HTRA3: variants seen among roughly 807,000 people sequenced by gnomAD.
HTRA3 encodes the protein serine protease HTRA3.
A neutral mutation model predicts 43.2 loss-of-function variants in HTRA3; 41 were observed. The observed-to-expected ratio is 0.95, with a 90% CI of 0.74 to 1.23. The LOEUF is 1.23. Among genes scored for constraint, HTRA3 ranks in the 50% most tolerant of loss-of-function variants. The pLI is 0.00. For synonymous variants in HTRA3, 295 were observed against 287.9 expected (o/e 1.02, Z -0.25); for missense variants, 628 against 647.1 (o/e 0.97, Z 0.32).
chr4:8,286,522 C>T lies in HTRA3; in HGVS notation c.486-39C>T, dbSNP rs1412062070. 2 of 1,581,358 alleles carry T rather than the reference C, an allele frequency of 1.3e-6. No individual in the cohort carries two copies. Among genetic ancestry groups the T allele is most frequent in the East Asian group, 2.2e-5 (1 of 44,694 alleles). ...TGCGCCTGACTCCCCCGCGTCCTAGCCCCACCCTAAATGCCCGCCTGTGTC... is the reference window on the plus strand; with the variant it reads ...TGCGCCTGACTCCCCCGCGTCCTAGTCCCACCCTAAATGCCCGCCTGTGTC... On this transcript the variant is annotated intron_variant, in intron 2 of 8. Coordinates refer to ENST00000307358, the MANE Select transcript of HTRA3 (RefSeq NM_053044.5). This position sits in a 1 kb window ranked among gnomAD's most constrained non-coding sequence, Gnocchi z 4.9.
In HTRA3 at chr4:8,279,688, A is replaced by T. The variant is rs1388427509; in HGVS notation, c.386-2749A>T. 6.6e-6 allele frequency among the ~76,000 whole-genome samples: 1 copy of T among 152,088 alleles called. No individual in the cohort carries two copies. The highest frequency in any genetic ancestry group is 1.5e-5 in the Non-Finnish European group (1 of 67,994). ...TGCCATTCCTCCTTCTGCTGTGTTC[A>T]CACTGGGCCCAGGTCCCTGTGTGCC... On this transcript the variant is annotated intron_variant, in intron 1 of 8. Transcript: ENST00000307358. This position sits in a 1 kb window ranked among gnomAD's most constrained non-coding sequence, Gnocchi z 7.4.
Position 8,306,180 on chromosome 4 carries a change from C to T in HTRA3, c.*44C>T, listed in dbSNP as rs775414820. ...GCCAAGCGTCAGAGCCTGCAGACAA[C>T]GGAGGGCAGCGCCCCCCCGAGATCA... On this transcript the variant is annotated 3_prime_UTR_variant, in exon 9 of 9. Transcript: ENST00000307358. This position sits in a 1 kb window ranked among gnomAD's most constrained non-coding sequence, Gnocchi z 8.9. The T allele has an allele frequency of 5.0e-5, 76 of 1,518,196 alleles. No individual in the cohort carries two copies. Among genetic ancestry groups the T allele is most frequent in the Middle Eastern group, 2.2e-4 (1 of 4,514 alleles). The allele number at this position is 1,518,196 out of a possible 1,614,324, so 94.0% of individuals were successfully genotyped here. A position where few individuals can be genotyped will look rare whatever the true frequency, so the allele number is the denominator to read the frequency against.
intron 3 of HTRA3, among the ~76,000 whole-genome samples, chr4:8,288,574 CTT>C (rs35966094): frequency 0.57 from 75,317 of 132,174 alleles, 20,839 homozygotes; most frequent in East Asian, 0.81. Context: ...CGTGCCTAGC[CTT>C]TTTTTTTTTT....
chr4:8,280,031 G>C (rs898244260), intron 1 of HTRA3, among the ~76,000 whole-genome samples: 4 of 152,228 alleles, frequency 2.6e-5, no homozygotes, highest in African/African-American at 9.6e-5. Flanking sequence ...GGGCTGCCTG[G>C]AGGAGGCAGG....
In HTRA3 at chr4:8,286,879, T is replaced by G. The variant is rs754910116; in HGVS notation, c.708+96T>G. On this transcript the variant is annotated intron_variant, in intron 3 of 8. Transcript: ENST00000307358. This position sits in a 1 kb window ranked among gnomAD's most constrained non-coding sequence, Gnocchi z 4.9. The stretch of plus-strand genomic sequence containing the variant: ...ACCCAGAGGCAAGCTAGCCCCACCT[T>G]CCATCAGCCAGGGGGAGGAAACTGG... 41 of 937,626 alleles carry G rather than the reference T, an allele frequency of 4.4e-5. No homozygotes were observed. Among genetic ancestry groups the G allele is most frequent in the Middle Eastern group, 5.5e-4 (2 of 3,608 alleles). The allele number at this position is 937,626 out of a possible 1,614,324, so 58.1% of individuals were successfully genotyped here. A position where few individuals can be genotyped will look rare whatever the true frequency, so the allele number is the denominator to read the frequency against.
At chr4:8,294,304 G>A in intron 6 of HTRA3, 103 bp downstream of exon 6, 1 of 812,380 alleles carries the variant, frequency 1.2e-6, no homozygotes, top group Non-Finnish European at 2.0e-6. Context: ...GGAGGTGCTG[G>A]GTGAACTTTG....
rs1435916240 is a variant in HTRA3 at position 8,304,651 on chromosome 4, T to TGTG, written c.1196+372_1196+373insGTG. ...AGATAATTCAGCCTATTGTTTTTTT[T>TGTG]TTTTTTTTTTTTTTTTTTTTTTTGA... is the stretch of plus-strand genomic sequence containing the variant. On this transcript the variant is annotated intron_variant, in intron 8 of 8. Coordinates refer to ENST00000307358, the MANE Select transcript of HTRA3 (RefSeq NM_053044.5). Among the ~76,000 whole-genome samples the TGTG allele has an allele frequency of 8.7e-5, 10 of 115,408 alleles. 2 individuals carry two copies. The highest frequency in any genetic ancestry group is 5.4e-4 in the East Asian group (2 of 3,698). 75.7% of individuals were successfully genotyped at this position (115,408 alleles called of 152,430 possible). A position where few individuals can be genotyped will look rare whatever the true frequency, so the allele number is the denominator to read the frequency against.
chr4:8,306,285 G>T lies in HTRA3; in HGVS notation c.*149G>T. The T allele has an allele frequency of 1.2e-6, 1 of 839,674 alleles. No homozygotes were observed. The highest frequency in any genetic ancestry group is 2.0e-5 in the South Asian group (1 of 49,596). 52.0% of individuals were successfully genotyped at this position (839,674 alleles called of 1,614,324 possible). ...CGGGGCAGAGCGGAGGCTGGGCTTG[G>T]CCAGGGGCCCGAATTTCCGCCTGGG... On this transcript the variant is annotated 3_prime_UTR_variant, in exon 9 of 9. Transcript: ENST00000307358. This position sits in a 1 kb window ranked among gnomAD's most constrained non-coding sequence, Gnocchi z 8.9.
At position 8,306,432 on chromosome 4, in the gene HTRA3, C is replaced by T; in HGVS notation, c.*296C>T. ...CAAAACTGCCTTCCATGGAGGTCCC[C>T]TCCTCTCCTAGCTTCCCGCCTCTGC... On this transcript the variant is annotated 3_prime_UTR_variant, in exon 9 of 9. Coordinates refer to ENST00000307358, the MANE Select transcript of HTRA3 (RefSeq NM_053044.5). The surrounding 1 kb of genome is among the most constrained non-coding windows in gnomAD (Gnocchi z 8.9). 1 of 311,626 alleles carries T rather than the reference C, an allele frequency of 3.2e-6. No individual in the cohort carries two copies. Among genetic ancestry groups the T allele is most frequent in the Non-Finnish European group, 6.0e-6 (1 of 167,380 alleles). The allele number at this position is 311,626 out of a possible 1,614,324, so 19.3% of individuals were successfully genotyped here. A position where few individuals can be genotyped will look rare whatever the true frequency, so the allele number is the denominator to read the frequency against.
Position 8,304,194 on chromosome 4 carries a change from G to C in HTRA3, c.1111G>C (p.Glu371Gln). Residue 371 changes from glutamate (E) to glutamine (Q), a missense_variant, in exon 8 of 9, where the codon GAG (glutamate) becomes CAG (glutamine). Coordinates refer to ENST00000307358, the MANE Select transcript of HTRA3 (RefSeq NM_053044.5). ...GCAGACTCTTTCCAGCCTGGTGGAT[G>C]AGCTGAAGGCCAGCAACCCGGACTT... Reference protein sequence around the residue: ...MRTITPSLVDELKASNPDFPE... With the variant: ...MRTITPSLVDQLKASNPDFPE... 6.2e-7 allele frequency: 1 copy of C among 1,614,106 alleles called. No homozygotes were observed. Among genetic ancestry groups the C allele is most frequent in the Non-Finnish European group, 8.5e-7 (1 of 1,179,962 alleles).
intron 3 of HTRA3, among the ~76,000 whole-genome samples, chr4:8,288,189 C>T (rs140368280): frequency 0.019 from 2,819 of 152,276 alleles, 40 homozygotes; most frequent in Middle Eastern, 0.061. Context: ...TTTTCACGGT[C>T]GCGATTGAGT....
At chr4:8,271,060 C>T (rs565661678) in intron 1 of HTRA3, among the ~76,000 whole-genome samples, 95 of 152,240 alleles carry the variant, frequency 6.2e-4, no homozygotes, top group South Asian at 3.5e-3. Context: ...TGAAGACAGG[C>T]GACGGGCCCC....
rs1397504893 is a variant in HTRA3 at position 8,306,089 on chromosome 4, G to C, written c.1315G>C (p.Gly439Arg). 1 of 1,608,462 alleles carries C rather than the reference G, an allele frequency of 6.2e-7. No homozygotes were observed. The highest frequency in any genetic ancestry group is 1.3e-5 in the African/African-American group (1 of 74,742). ...TCCTCTCCTACTGGAGGTGCGGCGG[G>C]GGAACGACGACCTCCTCTTCAGCAT... is the stretch of plus-strand genomic sequence containing the variant. Reference protein sequence around the residue: ...ESPLLLEVRRGNDDLLFSIAP... With the variant: ...ESPLLLEVRRRNDDLLFSIAP... The change falls in exon 9 of 9, where the codon GGG becomes CGG. Residue 439 changes from glycine (G) to arginine (R), a missense_variant. Gly to Arg is a moderately radical substitution (Grantham distance 125, BLOSUM62 -2). Coordinates refer to ENST00000307358, the MANE Select transcript of HTRA3 (RefSeq NM_053044.5). This position sits in a 1 kb window ranked among gnomAD's most constrained non-coding sequence, Gnocchi z 8.9.
intron 6 of HTRA3, 38 bp downstream of exon 6, chr4:8,294,239 C>T (rs369962737): frequency 4.1e-6 from 6 of 1,456,896 alleles, no homozygotes; most frequent in Non-Finnish European, 4.8e-6. Context: ...AGGCAGGGGG[C>T]ACTCTCCCAG....
chr4:8,294,257 G>A (rs1401115791), intron 6 of HTRA3, 56 bp downstream of exon 6: 1 of 1,295,514 alleles, frequency 7.7e-7, no homozygotes, highest in East Asian at 2.5e-5. Flanking sequence ...CAGGGCTACA[G>A]CCCCTTAACA....
chr4:8,289,785 C>T (rs1287055728), intron 3 of HTRA3, among the ~76,000 whole-genome samples: 1 of 151,462 alleles, frequency 6.6e-6, no homozygotes, highest in Non-Finnish European at 1.5e-5. Context: ...CTCACGGCCT[C>T]ACCTGTGCAC....
chr4:8,298,466 T>G (rs75708735), intron 6 of HTRA3, among the ~76,000 whole-genome samples: 346 of 152,306 alleles, frequency 2.3e-3, no homozygotes, highest in African/African-American at 7.8e-3. Flanking sequence ...TCTTTTTCAT[T>G]CTCTGAATAG....
intron 1 of HTRA3, among the ~76,000 whole-genome samples, chr4:8,270,986 C>T (rs1712248165): frequency 6.6e-6 from 1 of 152,208 alleles, no homozygotes; most frequent in South Asian, 2.1e-4. Flanking sequence ...CCTGCTGTAC[C>T]TTTTTCCCTG....
intron 3 of HTRA3, among the ~76,000 whole-genome samples, chr4:8,290,223 C>A (rs1713179611): frequency 6.6e-6 from 1 of 152,272 alleles, no homozygotes; most frequent in South Asian, 2.1e-4. Context: ...CCACCAAGGG[C>A]TCCCGTAATC....
Sources: gnomAD v4.1 joint callset for allele counts (sites outside exome capture counted in the v4.1 genomes callset) on GRCh38, gnomAD v4.1.1 for gene constraint, Gnocchi (gnomAD v3.1) non-coding constraint, MANE v1.5 for transcripts, NCBI Gene and HGNC (gene_info 2026-07-23, HGNC 2026-07-21) for gene names.